LMTK2: variants seen among roughly 807,000 people sequenced by gnomAD.
LMTK2 encodes the protein serine/threonine-protein kinase LMTK2.
In LMTK2, 37 loss-of-function variants were observed where a neutral mutation model predicts 127.5. The ratio of observed to expected loss-of-function variants is 0.29; its 90% CI spans 0.22 to 0.38. LMTK2 has a LOEUF of 0.38. Among genes scored for constraint, LMTK2 ranks in the 10% least tolerant of loss-of-function variants. The pLI is 1.00. For synonymous variants in LMTK2, 819 were observed against 810.1 expected, an observed-to-expected ratio of 1.01 and a Z score of -0.19; for missense variants, 1,694 against 1,920.3, an observed-to-expected ratio of 0.88 and a Z score of 2.20.
chr7:98,162,854 T>C (rs1797034980), intron 6 of LMTK2, among the ~76,000 whole-genome samples: 1 of 152,232 alleles, frequency 6.6e-6, no homozygotes, highest in African/African-American at 2.4e-5. Context: ...TCGAAACCAC[T>C]ATTCACAGTA....
intron 1 of LMTK2, among the ~76,000 whole-genome samples, chr7:98,123,488 C>T (rs1055262742): frequency 6.6e-6 from 1 of 151,962 alleles, no homozygotes; most frequent in Non-Finnish European, 1.5e-5. Flanking sequence ...CCCTTGTGTC[C>T]TATGCCAGTC....
chr7:98,144,889 A>G (rs1223092873), intron 3 of LMTK2, among the ~76,000 whole-genome samples: 2 of 151,852 alleles, frequency 1.3e-5, no homozygotes, highest in Non-Finnish European at 2.9e-5. Flanking sequence ...TACTATGTAG[A>G]TTGTATAGTT....
chr7:98,174,106 A>T (rs1309913014), intron 7 of LMTK2, among the ~76,000 whole-genome samples: 1 of 54,240 alleles, frequency 1.8e-5, no homozygotes, highest in Non-Finnish European at 6.9e-5. Context: ...TTTTGTTGTA[A>T]AAAAAAAAAA....
intron 5 of LMTK2, 33 bp downstream of exon 5, chr7:98,154,909 T>A (rs368308001): frequency 2.3e-4 from 282 of 1,237,970 alleles, no homozygotes; most frequent in Non-Finnish European, 3.1e-4. Flanking sequence ...TCTGTAAGAC[T>A]AGTCTGTGGT....
chr7:98,123,982 T>C (rs1010061933), intron 1 of LMTK2, among the ~76,000 whole-genome samples: 6 of 152,280 alleles, frequency 3.9e-5, no homozygotes, highest in African/African-American at 1.4e-4. Context: ...GTATACTGTC[T>C]CTTGTTATTT....
rs1797859381 is a variant in LMTK2, at chr7:98,209,508, T to C, written c.*4016T>C. 3 of 152,262 alleles carry C rather than the reference T, an allele frequency of 2.0e-5. No individual in the cohort carries two copies. The highest frequency in any genetic ancestry group is 2.0e-4 in the Admixed American group (3 of 15,282). 9.4% of individuals were successfully genotyped at this position (152,262 alleles called of 1,614,324 possible). On this transcript the variant is annotated 3_prime_UTR_variant, in exon 14 of 14. Coordinates refer to ENST00000297293, the MANE Select transcript of LMTK2 (RefSeq NM_014916.4). ...TATAATAGTCAATGAACTTTCAGTTTAAATTGTGTACATTTTTAAATTGTA... is the reference window on the plus strand; with the variant it reads ...TATAATAGTCAATGAACTTTCAGTTCAAATTGTGTACATTTTTAAATTGTA...
intron 8 of LMTK2, 86 bp downstream of exon 8, chr7:98,185,221 A>G: frequency 4.3e-6 from 4 of 925,730 alleles, no homozygotes; most frequent in Non-Finnish European, 6.8e-6. Context: ...TGTTTGTATA[A>G]GAATCTTAGT....
At chr7:98,187,047 A>G in intron 9 of LMTK2, 49 bp downstream of exon 9, 2 of 1,562,320 alleles carry the variant, frequency 1.3e-6, no homozygotes, top group Non-Finnish European at 1.7e-6. Context: ...GCAAAGTCCT[A>G]ACTTCTTCCT....
At chr7:98,180,497 T>G (rs967728754) in intron 7 of LMTK2, among the ~76,000 whole-genome samples, 8 of 152,236 alleles carry the variant, frequency 5.3e-5, no homozygotes, top group Non-Finnish European at 1.2e-4. Context: ...GAAAGTTCCT[T>G]TAGAAAAAGT....
At chr7:98,166,371 T>C (rs1797100567) in intron 6 of LMTK2, among the ~76,000 whole-genome samples, 2 of 152,338 alleles carry the variant, frequency 1.3e-5, no homozygotes, top group African/African-American at 2.4e-5. Context: ...GGCAGGCTGA[T>C]GGGGGCCTCA....
chr7:98,137,538 G>A, intron 2 of LMTK2, 96 bp downstream of exon 2: 5 of 1,251,776 alleles, frequency 4.0e-6, no homozygotes, highest in Non-Finnish European at 5.4e-6. Flanking sequence ...AGGATCAGCA[G>A]ATTTTTTTTC....
chr7:98,141,456 C>G lies in LMTK2; in HGVS notation c.291C>G (p.Pro97=). Residue 97 remains proline, a synonymous_variant, in exon 3 of 14, where the codon CCC becomes CCG. Transcript: ENST00000297293. Reference sequence around the variant, plus strand: ...TCACACCACCAGCAGAAGACACTCCCTCTGTTCAGTCCCCAGCAGAGGTCT... The same window carrying G: ...TCACACCACCAGCAGAAGACACTCCGTCTGTTCAGTCCCCAGCAGAGGTCT... ...IDFTPPAEDT[P]SVQSPAEVFT... is the part of the protein sequence containing the mutation. 2 of 1,613,356 alleles carry G rather than the reference C, an allele frequency of 1.2e-6. No homozygotes were observed. Among genetic ancestry groups the G allele is most frequent in the Non-Finnish European group, 1.7e-6 (2 of 1,179,266 alleles).
At position 98,190,790 on chromosome 7, in the gene LMTK2, CCAACTTAGATGTCCT is replaced by C; in HGVS notation, c.1066_1080del (p.Leu356_Asn360del). 1 of 1,614,086 alleles carries C rather than the reference CCAACTTAGATGTCCT, an allele frequency of 6.2e-7. No individual in the cohort carries two copies. Among genetic ancestry groups the C allele is most frequent in the Non-Finnish European group, 8.5e-7 (1 of 1,180,002 alleles). On this transcript the variant is annotated inframe_deletion, in exon 10 of 14. Coordinates refer to ENST00000297293, the MANE Select transcript of LMTK2 (RefSeq NM_014916.4). ...GCCGCACAGCCGTATTCAAACCTTT[CCAACTTAGATGTCCT>C]CAACCAAGTCATTAGAGAGAGAGAC...
intron 13 of LMTK2, 131 bp downstream of exon 13, chr7:98,204,317 GT>G: frequency 1.6e-6 from 2 of 1,259,128 alleles, no homozygotes; most frequent in Non-Finnish European, 2.2e-6. Context: ...TTACAAACTT[GT>G]TTTTATAAAA....
In LMTK2 at chr7:98,120,596, C is replaced by T. The variant is rs370503321; in HGVS notation, c.103+13316C>T. 2.0e-5 allele frequency among the ~76,000 whole-genome samples: 3 copies of T among 152,320 alleles called. No individual in the cohort carries two copies. The East Asian group carries it at 5.8e-4, about 29-fold the overall frequency. ...TTTAAGTTTAAAGTATTTTTCTCAT[C>T]GCAGATTCTTCTCAGAACCCTCAAT... is the stretch of plus-strand genomic sequence containing the variant. On this transcript the variant is annotated intron_variant, in intron 1 of 13. Coordinates refer to ENST00000297293, the MANE Select transcript of LMTK2 (RefSeq NM_014916.4).
Position 98,171,469 on chromosome 7 carries a change from C to T in LMTK2, c.658-72C>T, listed in dbSNP as rs1049252519. 1.0e-5 allele frequency: 16 copies of T among 1,589,524 alleles called. No homozygotes were observed. The African/African-American group carries it at 1.1e-4, about 11-fold the overall frequency. Reference sequence around the variant, plus strand: ...AATAATCTTAACAGTTAGTGTTCACCGAGGCACGTATTTAAGCGCTCACTT... The same window carrying T: ...AATAATCTTAACAGTTAGTGTTCACTGAGGCACGTATTTAAGCGCTCACTT... On this transcript the variant is annotated intron_variant, in intron 6 of 13. Transcript: ENST00000297293. The surrounding 1 kb of genome is among the most constrained non-coding windows in gnomAD (Gnocchi z 5.1).
rs143954866 is a variant in LMTK2 at position 98,193,777 on chromosome 7, G to A, written c.3312G>A (p.Ala1104=). The A allele has an allele frequency of 3.1e-4, 503 of 1,613,990 alleles. 3 individuals are homozygous for A. The African/African-American group carries it at 5.9e-3, about 19-fold the overall frequency. The part of the protein sequence containing the change: ...AGSQGSYRDS[A]YFSDNDSEPE... ...CCCAGGGTTCATACCGAGACTCTGCGTACTTCTCAGACAATGACTCTGAGC... is the reference window on the plus strand; with the variant it reads ...CCCAGGGTTCATACCGAGACTCTGCATACTTCTCAGACAATGACTCTGAGC... Residue 1104 remains alanine, a synonymous_variant, in exon 11 of 14, where the codon GCG becomes GCA. Coordinates refer to ENST00000297293, the MANE Select transcript of LMTK2 (RefSeq NM_014916.4). The surrounding 1 kb of genome is among the most constrained non-coding windows in gnomAD (Gnocchi z 4.1).
At chr7:98,130,053 T>C (rs1006756658) in intron 1 of LMTK2, among the ~76,000 whole-genome samples, 2 of 151,572 alleles carry the variant, frequency 1.3e-5, no homozygotes, top group African/African-American at 4.9e-5. Context: ...CAGGGATGAA[T>C]GAATGGTGGG....
At chr7:98,199,921 G>C (rs1390252257) in intron 11 of LMTK2, among the ~76,000 whole-genome samples, 1 of 152,098 alleles carries the variant, frequency 6.6e-6, no homozygotes, top group South Asian at 2.1e-4. Context: ...TTAAAACTCT[G>C]TTCTGAAAAA....
Sources: gnomAD v4.1 joint callset for allele counts (sites outside exome capture counted in the v4.1 genomes callset) on GRCh38, gnomAD v4.1.1 for gene constraint, Gnocchi (gnomAD v3.1) non-coding constraint, MANE v1.5 for transcripts, NCBI Gene and HGNC (gene_info 2026-07-23, HGNC 2026-07-21) for gene names.